The following RXRG variants were observed in gnomAD, a reference collection of about 807,000 sequenced individuals.
The protein encoded by RXRG is retinoic acid receptor RXR-gamma.
Under a neutral mutation model 49.2 loss-of-function variants are expected in RXRG, and 19 were observed. The ratio of observed to expected loss-of-function variants is 0.39; its 90% CI spans 0.27 to 0.57. The LOEUF is 0.57. RXRG is among the 20% of genes least tolerant of loss of function. The probability of loss-of-function intolerance (pLI) is 0.64; values close to 1 mark genes in which losing one functional copy is unlikely to be tolerated. For synonymous variants in RXRG, 224 were observed against 216.6 expected (o/e 1.03, Z -0.30); for missense variants, 452 against 592.5 (o/e 0.76, Z 2.46).
intron 2 of RXRG, among the ~76,000 whole-genome samples, chr1:165,420,390 C>A (rs1416087107): frequency 6.6e-6 from 1 of 152,126 alleles, no homozygotes; most frequent in African/African-American, 2.4e-5. Context: ...CCTATTCAGC[C>A]GTGCTGCAAG....
rs916825954 is a variant in RXRG, at chr1:165,421,901, C to T, written c.298-1887G>A. Reference sequence around the variant, plus strand: ...CCAGGGTTAAGAACCACTGCCATAGCGTGACTTCTAGGCAATAACTTTCCT... The same window carrying T: ...CCAGGGTTAAGAACCACTGCCATAGTGTGACTTCTAGGCAATAACTTTCCT... On this transcript the variant is annotated intron_variant, in intron 2 of 9. Transcript: ENST00000359842. Among the ~76,000 whole-genome samples the T allele has an allele frequency of 2.0e-5, 3 of 152,246 alleles. 1 individual carries two copies. The highest frequency in any genetic ancestry group is 4.1e-4 in the South Asian group (2 of 4,826).
chr1:165,438,350 C>CAAA (rs775016611), intron 1 of RXRG, among the ~76,000 whole-genome samples: 5 of 148,064 alleles, frequency 3.4e-5, no homozygotes, highest in African/African-American at 1.2e-4. Flanking sequence ...GCAAATATTC[C>CAAA]AAAATAAAAA....
At chr1:165,427,433 T>C (rs1444059146) in intron 2 of RXRG, among the ~76,000 whole-genome samples, 1 of 101,874 alleles carries the variant, frequency 9.8e-6, no homozygotes, top group Non-Finnish European at 2.6e-5. Context: ...TGTTTTGTTT[T>C]GTTTTGTTTT....
At chr1:165,434,579 G>A (rs897430726) in intron 1 of RXRG, among the ~76,000 whole-genome samples, 1 of 152,176 alleles carries the variant, frequency 6.6e-6, no homozygotes, top group Non-Finnish European at 1.5e-5. Flanking sequence ...ATGAATCATT[G>A]ATAACGGCTA....
intron 1 of RXRG, among the ~76,000 whole-genome samples, chr1:165,434,657 T>A (rs1171122539): frequency 2.0e-5 from 3 of 152,162 alleles, no homozygotes; most frequent in Non-Finnish European, 2.9e-5. Flanking sequence ...AGTCTCCATA[T>A]GAAGTCACGG....
intron 4 of RXRG, among the ~76,000 whole-genome samples, chr1:165,416,112 T>C (rs1658118686): frequency 6.6e-6 from 1 of 152,190 alleles, no homozygotes. Context: ...TTCAGTAAGA[T>C]GCCCTCTTCT....
At chr1:165,435,315 A>G (rs1216669645) in intron 1 of RXRG, among the ~76,000 whole-genome samples, 1 of 152,208 alleles carries the variant, frequency 6.6e-6, no homozygotes, top group African/African-American at 2.4e-5. Context: ...GGCATGCATC[A>G]TCTTGTTTAA....
At position 165,402,000 on chromosome 1, in the gene RXRG, A is replaced by G. The variant is rs1317404755; in HGVS notation, c.1245-590T>C. Among the ~76,000 whole-genome samples the G allele has an allele frequency of 5.9e-5, 9 of 152,214 alleles. 1 individual carries two copies. The highest frequency in any genetic ancestry group is 1.2e-4 in the Non-Finnish European group (8 of 68,036). ...TAGGCTCAAGCAATCCTCTCACCTC[A>G]GCCTCCCAAGTAGGCGGGACTACAG... On this transcript the variant is annotated intron_variant, in intron 9 of 9. Transcript: ENST00000359842.
intron 9 of RXRG, among the ~76,000 whole-genome samples, chr1:165,402,871 C>T (rs914493916): frequency 6.6e-6 from 1 of 151,560 alleles, no homozygotes; most frequent in African/African-American, 2.4e-5. Context: ...TACACATACT[C>T]ACACATGTGC....
At chr1:165,435,860 A>C (rs1422135692) in intron 1 of RXRG, among the ~76,000 whole-genome samples, 1 of 152,202 alleles carries the variant, frequency 6.6e-6, no homozygotes, top group African/African-American at 2.4e-5. Flanking sequence ...TCAGACAGTA[A>C]GCATTTCAGT....
chr1:165,428,859 G>A lies in RXRG; in HGVS notation c.157C>T (p.Pro53Ser). ...PSYTDTPVSA[P>S]RTLSAVGTPL... Reference sequence around the variant, plus strand: ...GTCCCCACTGCACTCAGAGTCCGTGGGGCACTCACTGGGGTATCTGTGTAG... The same window carrying A: ...GTCCCCACTGCACTCAGAGTCCGTGAGGCACTCACTGGGGTATCTGTGTAG... The change falls in exon 2 of 10, where the codon CCA becomes TCA. Residue 53 changes from proline (P) to serine (S), a missense_variant. Physicochemically the swap from Pro to Ser is moderately conservative, Grantham distance 74. Around this residue, in one of 2 missense-constraint regions of RXRG, gnomAD observed 166 missense variants for 151.7 expected, o/e 1.09. Coordinates refer to ENST00000359842, the MANE Select transcript of RXRG (RefSeq NM_006917.5). 1 of 1,614,116 alleles carries A rather than the reference G, an allele frequency of 6.2e-7. No homozygotes were observed. The highest frequency in any genetic ancestry group is 8.5e-7 in the Non-Finnish European group (1 of 1,180,010).
intron 3 of RXRG, among the ~76,000 whole-genome samples, chr1:165,419,366 T>C (rs1658234326): frequency 6.6e-6 from 1 of 152,110 alleles, no homozygotes; most frequent in Non-Finnish European, 1.5e-5. Context: ...ATTTTTACAA[T>C]TGCTTATCTG....
At chr1:165,442,674 C>G (rs1659045334) in intron 1 of RXRG, among the ~76,000 whole-genome samples, 1 of 152,106 alleles carries the variant, frequency 6.6e-6, no homozygotes, top group African/African-American at 2.4e-5. Flanking sequence ...GCATGTTAGT[C>G]TCTGAGTAAA....
At chr1:165,430,289 G>C (rs1658628389) in intron 1 of RXRG, among the ~76,000 whole-genome samples, 1 of 152,194 alleles carries the variant, frequency 6.6e-6, no homozygotes, top group Non-Finnish European at 1.5e-5. Context: ...AATATTTCTT[G>C]AGTGCCTACT....
chr1:165,442,464 T>C (rs1225484641), intron 1 of RXRG, among the ~76,000 whole-genome samples: 1 of 152,240 alleles, frequency 6.6e-6, no homozygotes, highest in East Asian at 1.9e-4. Context: ...TCAAGTTCCC[T>C]ATACTATACT....
chr1:165,402,863 C>T (rs1239947725), intron 9 of RXRG, among the ~76,000 whole-genome samples: 1 of 152,206 alleles, frequency 6.6e-6, no homozygotes, highest in Non-Finnish European at 1.5e-5. Flanking sequence ...ATACACAATA[C>T]ACATACTCAC....
At chr1:165,423,505 G>T (rs1028712015) in intron 2 of RXRG, among the ~76,000 whole-genome samples, 2 of 152,176 alleles carry the variant, frequency 1.3e-5, no homozygotes, top group African/African-American at 2.4e-5. Flanking sequence ...CAAAGGTTAG[G>T]CTGCAGGCAG....
chr1:165,440,424 A>T (rs573956826), intron 1 of RXRG, among the ~76,000 whole-genome samples: 1 of 151,810 alleles, frequency 6.6e-6, no homozygotes, highest in African/African-American at 2.4e-5. Flanking sequence ...ATTTTTTTTT[A>T]TTTTGGAATA....
intron 6 of RXRG, 89 bp downstream of exon 6, chr1:165,410,613 A>C: frequency 7.0e-7 from 1 of 1,438,142 alleles, no homozygotes; most frequent in Non-Finnish European, 9.6e-7. Flanking sequence ...TAGCTTGGAC[A>C]TGTTGCAGCT....
Sources: allele counts gnomAD v4.1 joint callset (sites outside exome capture counted in the v4.1 genomes callset), GRCh38; gene constraint gnomAD v4.1.1; regional missense constraint gnomAD v4.1.1; transcripts MANE v1.5; gene names NCBI Gene and HGNC (gene_info 2026-07-23, HGNC 2026-07-21).